DPYD: variants seen among roughly 807,000 people sequenced by gnomAD.
DPYD encodes dihydropyrimidine dehydrogenase [NADP(+)].
A neutral mutation model predicts 116.2 loss-of-function variants in DPYD; 109 were observed. That is an observed-to-expected ratio of 0.94 (90% CI 0.80 to 1.10). DPYD has a LOEUF of 1.10. Ranked by LOEUF, DPYD falls within the 50% of genes least tolerant of loss-of-function variation. The pLI, the probability that DPYD is intolerant of heterozygous loss-of-function variation, is 0.00. For synonymous variants in DPYD, 440 were observed against 432.0 expected, an observed-to-expected ratio of 1.02 and a Z score of -0.23; for missense variants, 1,302 against 1,254.5, an observed-to-expected ratio of 1.04 and a Z score of -0.57.
intron 14 of DPYD, among the ~76,000 whole-genome samples, chr1:97,424,172 C>T (rs1173722413): frequency 6.6e-6 from 1 of 152,028 alleles, no homozygotes; most frequent in African/African-American, 2.4e-5. Context: ...AAATGATTAT[C>T]TTGAAAGCTC....
At chr1:97,492,988 G>T (rs568815517) in intron 13 of DPYD, among the ~76,000 whole-genome samples, 5 of 152,146 alleles carry the variant, frequency 3.3e-5, no homozygotes, top group Admixed American at 3.3e-4. Flanking sequence ...GCACTAAGCC[G>T]AAGAGATGCA....
chr1:97,299,563 C>A (rs1666739898), intron 18 of DPYD, among the ~76,000 whole-genome samples: 1 of 152,066 alleles, frequency 6.6e-6, no homozygotes, highest in Non-Finnish European at 1.5e-5. Flanking sequence ...GGATGTAGAC[C>A]TTGATCTATG....
chr1:97,601,064 T>C (rs1482302671), intron 8 of DPYD, among the ~76,000 whole-genome samples: 1 of 152,072 alleles, frequency 6.6e-6, no homozygotes, highest in Non-Finnish European at 1.5e-5. Context: ...AAGAACAAAA[T>C]CATGTCTCAG....
chr1:97,445,155 TC>T lies in DPYD; in HGVS notation c.1905+4903del, dbSNP rs754123995. On this transcript the variant is annotated intron_variant, in intron 14 of 22. Transcript: ENST00000370192. ...ACTGATCACCAGATGCTGACCGACT[TC>T]CCCTCTTCCACAGTCATAACTACAG... Among the ~76,000 whole-genome samples the T allele has an allele frequency of 2.0e-5, 3 of 152,232 alleles. No homozygotes were observed. In the South Asian group the frequency reaches 6.2e-4, roughly 32 times the overall value.
chr1:97,332,865 A>C (rs1669087530), intron 16 of DPYD, among the ~76,000 whole-genome samples: 1 of 152,168 alleles, frequency 6.6e-6, no homozygotes, highest in South Asian at 2.1e-4. Context: ...AGAACATATT[A>C]ATATGTAATT....
At chr1:97,154,713 A>G (rs909660765) in intron 20 of DPYD, among the ~76,000 whole-genome samples, 1 of 151,978 alleles carries the variant, frequency 6.6e-6, no homozygotes, top group Non-Finnish European at 1.5e-5. Context: ...TCTCAAAAAA[A>G]AAAAAAAAAG....
At chr1:97,170,334 A>G (rs1023561504) in intron 20 of DPYD, among the ~76,000 whole-genome samples, 6 of 152,208 alleles carry the variant, frequency 3.9e-5, no homozygotes, top group African/African-American at 1.2e-4. Context: ...GACAGTAATA[A>G]GAATTATAAG....
chr1:97,724,296 GGGGGGGGGGGGGTGTGTGTGTGTGTGTGT>G (rs200029613), intron 4 of DPYD, among the ~76,000 whole-genome samples: 8,515 of 137,656 alleles, frequency 0.062, 598 homozygotes, highest in Admixed American at 0.083. Flanking sequence ...ATGTATGTGG[GGGGGGGGGGGGGTGTGTGTGTGTGTGTGT>G]GTGTGTGTGT....
At chr1:97,904,436 T>G (rs959739600) in intron 1 of DPYD, among the ~76,000 whole-genome samples, 1 of 151,670 alleles carries the variant, frequency 6.6e-6, no homozygotes, top group African/African-American at 2.4e-5. Context: ...CACAGGAGAG[T>G]TCTCTGGCCT....
chr1:97,571,044 G>C (rs1652856270), intron 11 of DPYD, among the ~76,000 whole-genome samples: 1 of 151,994 alleles, frequency 6.6e-6, no homozygotes, highest in African/African-American at 2.4e-5. Context: ...GTCTGGCACA[G>C]AGAAGTTCAT....
At chr1:97,261,485 CTA>C (rs1293936047) in intron 18 of DPYD, among the ~76,000 whole-genome samples, 1 of 138,664 alleles carries the variant, frequency 7.2e-6, no homozygotes, top group African/African-American at 2.7e-5. Flanking sequence ...TGATAAAAGA[CTA>C]TGCATCTTTT....
chr1:97,529,764 CTCTT>C (rs990762047), intron 12 of DPYD, among the ~76,000 whole-genome samples: 6 of 86,854 alleles, frequency 6.9e-5, no homozygotes, highest in African/African-American at 1.8e-4. Flanking sequence ...TTCTTTCTTT[CTCTT>C]TCTTCTTTCT....
At chr1:97,647,789 A>T (rs1658356544) in intron 8 of DPYD, among the ~76,000 whole-genome samples, 1 of 152,012 alleles carries the variant, frequency 6.6e-6, no homozygotes, top group Non-Finnish European at 1.5e-5. Context: ...TATTAAGATC[A>T]CTAAACTGTC....
intron 5 of DPYD, among the ~76,000 whole-genome samples, chr1:97,719,456 G>A (rs1411393868): frequency 6.6e-6 from 1 of 151,624 alleles, no homozygotes; most frequent in Non-Finnish European, 1.5e-5. Flanking sequence ...TTTCTTTAAA[G>A]GTCAAAAAAC....
chr1:97,225,571 T>C (rs1244534283), intron 19 of DPYD, among the ~76,000 whole-genome samples: 3 of 151,356 alleles, frequency 2.0e-5, no homozygotes, highest in Non-Finnish European at 3.0e-5. Flanking sequence ...TTTTTTTTTT[T>C]TTTTTGCTTT....
intron 4 of DPYD, among the ~76,000 whole-genome samples, chr1:97,739,155 T>G (rs1664124702): frequency 6.6e-6 from 1 of 152,142 alleles, no homozygotes; most frequent in Non-Finnish European, 1.5e-5. Flanking sequence ...TTAAAAAATG[T>G]GATTTTATAA....
intron 13 of DPYD, among the ~76,000 whole-genome samples, chr1:97,492,635 T>A (rs1173500263): frequency 6.6e-6 from 1 of 152,174 alleles, no homozygotes; most frequent in African/African-American, 2.4e-5. Context: ...AGAATGAGCA[T>A]GCACAATAAA....
chr1:97,735,711 T>C (rs1436782191), intron 4 of DPYD, among the ~76,000 whole-genome samples: 1 of 146,750 alleles, frequency 6.8e-6, no homozygotes, highest in African/African-American at 2.5e-5. Context: ...AATAAATAAA[T>C]AAATAAATAA....
At chr1:97,834,880 CAAGT>C (rs903073797) in intron 2 of DPYD, among the ~76,000 whole-genome samples, 82 of 151,946 alleles carry the variant, frequency 5.4e-4, no homozygotes, top group African/African-American at 1.9e-3. Context: ...TTTATAAGTA[CAAGT>C]AAGAAATAAT....
Sources: allele counts gnomAD v4.1 joint callset (sites outside exome capture counted in the v4.1 genomes callset), GRCh38; gene constraint gnomAD v4.1.1; transcripts MANE v1.5; gene names NCBI Gene and HGNC (gene_info 2026-07-23, HGNC 2026-07-21).